The following SH3PXD2B variants were observed in gnomAD, a reference collection of about 807,000 sequenced individuals.
The protein encoded by SH3PXD2B is SH3 and PX domain-containing protein 2B.
Under a neutral mutation model 73.1 loss-of-function variants are expected in SH3PXD2B, and 37 were observed. The observed-to-expected ratio is 0.51, with a 90% confidence interval of 0.39 to 0.67. The LOEUF (loss-of-function observed/expected upper bound fraction) is 0.67. SH3PXD2B is among the 30% of genes least tolerant of loss of function. SH3PXD2B has a pLI of 0.00. For synonymous variants in SH3PXD2B, 457 were observed against 480.5 expected, an observed-to-expected ratio of 0.95 and a Z score of 0.64; for missense variants, 1,053 against 1,197.8, an observed-to-expected ratio of 0.88 and a Z score of 1.78.
At chr5:172,382,635 A>G (rs572347583) in intron 4 of SH3PXD2B, among the ~76,000 whole-genome samples, 59 of 152,318 alleles carry the variant, frequency 3.9e-4, no homozygotes, top group Non-Finnish European at 6.8e-4. Flanking sequence ...TAATATGTCC[A>G]TATTTAGGCA....
intron 4 of SH3PXD2B, 115 bp from the exon 5 acceptor site, chr5:172,382,242 G>T: frequency 1.2e-6 from 1 of 818,982 alleles, no homozygotes. Flanking sequence ...TTTGAACCTG[G>T]GAGGCGGAGG....
At chr5:172,427,112 G>A (rs936822713) in intron 1 of SH3PXD2B, among the ~76,000 whole-genome samples, 2 of 152,202 alleles carry the variant, frequency 1.3e-5, no homozygotes, top group African/African-American at 4.8e-5. Flanking sequence ...ATTGATGGAT[G>A]CGTGCATAAA....
At chr5:172,351,673 A>G (rs1445193966) in intron 9 of SH3PXD2B, among the ~76,000 whole-genome samples, 1 of 152,194 alleles carries the variant, frequency 6.6e-6, no homozygotes, top group Non-Finnish European at 1.5e-5. Context: ...GAACCCAAAA[A>G]AACAGGTGGC....
chr5:172,329,083 A>ATTT (rs1164155218), downstream of SH3PXD2B, among the ~76,000 whole-genome samples: 83 of 61,796 alleles, frequency 1.3e-3, 3 homozygotes, highest in African/African-American at 3.8e-3. Context: ...ATATATATAT[A>ATTT]TTTTTTTTTT....
At chr5:172,342,249 C>T (rs1365763892) in intron 12 of SH3PXD2B, among the ~76,000 whole-genome samples, 2 of 152,176 alleles carry the variant, frequency 1.3e-5, no homozygotes, top group African/African-American at 4.8e-5. Flanking sequence ...CACAGATGTA[C>T]ACTGCAATTC....
At position 172,338,287 on chromosome 5, in the gene SH3PXD2B, GAAT is replaced by G. The variant is rs1756750996; in HGVS notation, c.*79_*81del. ...CTGTCTGCCTTGGAAGCTGCGTGGA[GAAT>G]GATAAATTAAGAGGCGTATTAAATA... On this transcript the variant is annotated 3_prime_UTR_variant, in exon 13 of 13. Transcript: ENST00000311601. The surrounding 1 kb of genome is among the most constrained non-coding windows in gnomAD (Gnocchi z 5.1). The G allele has an allele frequency of 6.2e-7, 1 of 1,609,816 alleles. No individual in the cohort carries two copies. Among genetic ancestry groups the G allele is most frequent in the Non-Finnish European group, 8.5e-7 (1 of 1,179,488 alleles).
At chr5:172,434,782 GTT>G (rs71577589) in intron 1 of SH3PXD2B, among the ~76,000 whole-genome samples, 3 of 66,334 alleles carry the variant, frequency 4.5e-5, no homozygotes, top group African/African-American at 4.6e-5. Context: ...ATGGCCAATG[GTT>G]TTTTTTTTTT....
At chr5:172,408,182 G>A (rs142257872) in intron 2 of SH3PXD2B, among the ~76,000 whole-genome samples, 2 of 151,734 alleles carry the variant, frequency 1.3e-5, no homozygotes, top group East Asian at 1.9e-4. Context: ...TTTTCCCTTG[G>A]TCGCTAGCTA....
chr5:172,346,574 T>A (rs922590138), intron 11 of SH3PXD2B, among the ~76,000 whole-genome samples: 12 of 152,124 alleles, frequency 7.9e-5, no homozygotes, highest in African/African-American at 2.2e-4. Context: ...AGTTTATTAG[T>A]AGATCTATCT....
downstream of SH3PXD2B, among the ~76,000 whole-genome samples, chr5:172,332,858 C>T (rs1377132045): frequency 2.6e-5 from 4 of 151,950 alleles, no homozygotes; most frequent in Non-Finnish European, 5.9e-5. Context: ...TGCTCCACCT[C>T]CCAGGAGCAG....
At chr5:172,368,640 T>TTATATATATTATATATATTA (rs1757617493) in intron 6 of SH3PXD2B, among the ~76,000 whole-genome samples, 1 of 15,922 alleles carries the variant, frequency 6.3e-5, no homozygotes, top group African/African-American at 5.0e-4. Context: ...AATATATATG[T>TTATATATATTATATATATTA]TATATATATA....
At chr5:172,382,556 AAC>A (rs3057156) in intron 4 of SH3PXD2B, among the ~76,000 whole-genome samples, 106 of 149,218 alleles carry the variant, frequency 7.1e-4, no homozygotes, top group South Asian at 2.5e-3. Context: ...TTTGGAGAAC[AAC>A]ACACACACAC....
At chr5:172,352,531 C>T (rs1305321218) in intron 9 of SH3PXD2B, among the ~76,000 whole-genome samples, 1 of 152,176 alleles carries the variant, frequency 6.6e-6, no homozygotes, top group Non-Finnish European at 1.5e-5. Flanking sequence ...AGGCCCATGC[C>T]TGCTATTTGA....
At chr5:172,388,844 G>A (rs1023986916) in intron 4 of SH3PXD2B, among the ~76,000 whole-genome samples, 3 of 152,302 alleles carry the variant, frequency 2.0e-5, no homozygotes, top group South Asian at 2.1e-4. Context: ...ATCATCTCCA[G>A]AATTGGAATT....
rs1756654207 is a variant in SH3PXD2B at position 172,335,029 on chromosome 5, A to G, written c.*3340T>C. The G allele has an allele frequency of 5.1e-6, 5 of 985,372 alleles. No individual in the cohort carries two copies. The Admixed American group carries it at 3.1e-4, about 61-fold the overall frequency. 61.0% of individuals were successfully genotyped at this position (985,372 alleles called of 1,614,324 possible). ...TTAAAAGCGGTTTAAGCTGGAGCTC[A>G]GCTCTCCCGCAGTCTCAGCTGGGAC... On this transcript the variant is annotated 3_prime_UTR_variant, in exon 13 of 13. Coordinates refer to ENST00000311601, the MANE Select transcript of SH3PXD2B (RefSeq NM_001017995.3).
At chr5:172,408,411 G>A (rs933911616) in intron 2 of SH3PXD2B, among the ~76,000 whole-genome samples, 3 of 152,218 alleles carry the variant, frequency 2.0e-5, no homozygotes, top group African/African-American at 7.2e-5. Flanking sequence ...TGGGACTATA[G>A]GCGTGTGCCA....
At chr5:172,354,056 G>C (rs370859698) in intron 8 of SH3PXD2B, 51 bp from the exon 9 acceptor site, 19 of 1,536,362 alleles carry the variant, frequency 1.2e-5, no homozygotes, top group Admixed American at 1.7e-5. Flanking sequence ...AAGAGGCTTG[G>C]GATGCCGTAA....
chr5:172,343,029 C>A (rs1756894352), intron 12 of SH3PXD2B, among the ~76,000 whole-genome samples: 1 of 152,198 alleles, frequency 6.6e-6, no homozygotes, highest in Admixed American at 6.5e-5. Context: ...AATTTAACAC[C>A]CACTTGTAGA....
intron 4 of SH3PXD2B, 21 bp downstream of exon 4, chr5:172,394,542 G>A (rs571731653): frequency 9.9e-6 from 16 of 1,612,926 alleles, no homozygotes; most frequent in Admixed American, 5.0e-5. Context: ...GGAAGACTGC[G>A]TGGGCATTTC....
Sources: allele counts gnomAD v4.1 joint callset (sites outside exome capture counted in the v4.1 genomes callset), GRCh38; gene constraint gnomAD v4.1.1; non-coding constraint Gnocchi (gnomAD v3.1); transcripts MANE v1.5; gene names NCBI Gene and HGNC (gene_info 2026-07-23, HGNC 2026-07-21).